Variants in FDFT1 observed in about 807,000 individuals in gnomAD.
FDFT1 encodes the protein farnesyl-diphosphate farnesyltransferase 1.
FDFT1 carries 68 observed loss-of-function variants against 46.8 expected under a neutral mutation model. The ratio of observed to expected loss-of-function variants is 1.45; its 90% CI spans 1.19 to 1.78. FDFT1 has a LOEUF of 1.78. Ranked by LOEUF, FDFT1 falls within the 40% of genes most tolerant of loss-of-function variation. The pLI, the probability that FDFT1 is intolerant of heterozygous loss-of-function variation, is 0.00. For missense variants in FDFT1, 928 were observed against 524.4 expected, an observed-to-expected ratio of 1.77 and a Z score of -7.52; for synonymous variants, 351 against 185.1, an observed-to-expected ratio of 1.90 and a Z score of -7.28.
At chr8:11,800,463 C>G (rs1806006487), upstream of FDFT1, among the ~76,000 whole-genome samples, 1 of 151,990 alleles carries the variant, frequency 6.6e-6, no homozygotes, top group African/African-American at 2.4e-5. Flanking sequence ...GGAACGGTGC[C>G]TCACGTTCTG....
At chr8:11,831,214 C>G (rs192202709) in intron 6 of FDFT1, among the ~76,000 whole-genome samples, 1 of 152,288 alleles carries the variant, frequency 6.6e-6, no homozygotes, top group East Asian at 1.9e-4. Context: ...TAATCCATTG[C>G]TCTAGCATGG....
rs889585781 is a variant in FDFT1 at position 11,808,477 on chromosome 8, T to G, written c.100-317T>G. On this transcript the variant is annotated intron_variant, in intron 1 of 7. Transcript: ENST00000220584. ...TCGTCGGGCGCTTCCCAGATCTGCT[T>G]GAGTCTATGGAGGAAAAACTCCGCG... 1.1e-5 allele frequency: 15 copies of G among 1,305,120 alleles called. No homozygotes were observed. In the African/African-American group the frequency reaches 2.2e-4, roughly 19 times the overall value. The allele number at this position is 1,305,120 out of a possible 1,614,324, so 80.8% of individuals were successfully genotyped here. A position where few individuals can be genotyped will look rare whatever the true frequency, so the allele number is the denominator to read the frequency against.
intron 5 of FDFT1, 118 bp from the exon 6 acceptor site, chr8:11,830,126 G>A (rs991174463): frequency 9.4e-6 from 8 of 846,748 alleles, no homozygotes; most frequent in African/African-American, 3.4e-5. Flanking sequence ...GATTACAGGC[G>A]TGAGCCACGG....
intron 7 of FDFT1, among the ~76,000 whole-genome samples, chr8:11,832,691 G>T (rs1013530241): frequency 6.6e-6 from 1 of 151,916 alleles, no homozygotes; most frequent in Non-Finnish European, 1.5e-5. Context: ...ACAATGTCTG[G>T]AGACATTTTT....
intron 2 of FDFT1, chr8:11,809,270 T>A (rs1807367827): frequency 1.8e-6 from 2 of 1,112,280 alleles, no homozygotes; most frequent in Non-Finnish European, 2.2e-6. Context: ...ATTACACCCA[T>A]GAACTTAGAC....
intron 3 of FDFT1, among the ~76,000 whole-genome samples, chr8:11,821,205 A>AAT (rs1809190252): frequency 6.6e-6 from 1 of 152,242 alleles, no homozygotes; most frequent in Non-Finnish European, 1.5e-5. Flanking sequence ...GGAAAGATGA[A>AAT]ATGTGTAGTG....
intron 2 of FDFT1, 46 bp from the exon 3 acceptor site, chr8:11,809,621 T>C (rs759156718): frequency 4.6e-6 from 7 of 1,519,010 alleles, no homozygotes; most frequent in Non-Finnish European, 6.2e-6. Flanking sequence ...ATAAAAAATC[T>C]TTGGCTGTTT....
Position 11,838,849 on chromosome 8 carries a change from A to G in FDFT1, c.*240A>G, listed in dbSNP as rs1811940858. 1 of 518,898 alleles carries G rather than the reference A, an allele frequency of 1.9e-6. No individual in the cohort carries two copies. Among genetic ancestry groups the G allele is most frequent in the East Asian group, 3.5e-5 (1 of 28,454 alleles). The allele number at this position is 518,898 out of a possible 1,614,324, so 32.1% of individuals were successfully genotyped here. On this transcript the variant is annotated 3_prime_UTR_variant, in exon 8 of 8. Coordinates refer to ENST00000220584, the MANE Select transcript of FDFT1 (RefSeq NM_004462.5). ...ATGATCACTGTGCTGCTTGTGGCTC[A>G]TGGCAGAGCATTCAGTGCCACGGTT...
upstream of FDFT1, chr8:11,801,997 A>C (rs1048462940): frequency 4.4e-6 from 2 of 455,926 alleles, no homozygotes; most frequent in Non-Finnish European, 8.8e-6. Flanking sequence ...ACGGGTAGCC[A>C]GTAGTTTCTA....
intron 1 of FDFT1, 62 bp from the exon 2 acceptor site, chr8:11,808,728 TCCCA>T: frequency 6.4e-7 from 1 of 1,570,914 alleles, no homozygotes. Context: ...CCACTCCCAC[TCCCA>T]CTCCCACTCC....
chr8:11,821,798 G>T lies in FDFT1; in HGVS notation c.430G>T (p.Ala144Ser), dbSNP rs777606318. 1.9e-6 allele frequency: 3 copies of T among 1,613,690 alleles called. No individual in the cohort carries two copies. The highest frequency in any genetic ancestry group is 2.5e-6 in the Non-Finnish European group (3 of 1,179,682). The change falls in exon 4 of 8, where the codon GCC becomes TCC. Residue 144 changes from alanine to serine, a missense_variant. Ala to Ser is a moderately conservative substitution (Grantham distance 99). Transcript: ENST00000220584. ...GGCTGAGAAATACCAAACAGTGATTGCCGACATTTGCCGGAGAATGGGCAT... is the reference window on the plus strand; with the variant it reads ...GGCTGAGAAATACCAAACAGTGATTTCCGACATTTGCCGGAGAATGGGCAT... ...NLAEKYQTVI[A>S]DICRRMGIGM...
At chr8:11,825,665 C>T (rs986901974) in intron 4 of FDFT1, among the ~76,000 whole-genome samples, 42 of 133,248 alleles carry the variant, frequency 3.2e-4, no homozygotes, top group African/African-American at 9.7e-4. Flanking sequence ...CTAACGTGGG[C>T]AAATATATGA....
chr8:11,824,085 A>G (rs1010088706), intron 4 of FDFT1, among the ~76,000 whole-genome samples: 112 of 149,694 alleles, frequency 7.5e-4, no homozygotes, highest in African/African-American at 2.7e-3. Flanking sequence ...CTGGTCTAAA[A>G]CTCTTGGGCT....
chr8:11,828,416 T>C (rs533175254), intron 5 of FDFT1, among the ~76,000 whole-genome samples: 16 of 152,212 alleles, frequency 1.1e-4, no homozygotes. Context: ...TACCCCTCTT[T>C]TGCAGACACA....
At chr8:11,803,586 A>G (rs1461782132) in intron 1 of FDFT1, 2 of 749,206 alleles carry the variant, frequency 2.7e-6, no homozygotes, top group South Asian at 2.1e-5. Context: ...ATGAATGCAT[A>G]GGAGGTGTTT....
intron 3 of FDFT1, among the ~76,000 whole-genome samples, chr8:11,815,672 T>C (rs1278054100): frequency 1.3e-5 from 2 of 152,218 alleles, no homozygotes; most frequent in Non-Finnish European, 2.9e-5. Flanking sequence ...ATGTCTTCCT[T>C]TGAGAAGTGT....
intron 1 of FDFT1, among the ~76,000 whole-genome samples, chr8:11,805,387 G>T (rs1021614199): frequency 2.0e-5 from 3 of 152,210 alleles, no homozygotes; most frequent in African/African-American, 7.2e-5. Flanking sequence ...CCTGCAAGTT[G>T]TGTGGCATCA....
At chr8:11,802,692 G>A (rs1737447477), upstream of FDFT1, 1 of 668,786 alleles carries the variant, frequency 1.5e-6, no homozygotes. Context: ...GCGGAGCGGC[G>A]GGCGGGGCGT....
Position 11,829,071 on chromosome 8 carries a change from G to C in FDFT1, c.703-1173G>C, listed in dbSNP as rs191470587. ...AGCAGCTCGAACCTTGTGAGGAGCTGCCAGACGCTTTTCCAAGGTCGCTCC... is the reference window on the plus strand; with the variant it reads ...AGCAGCTCGAACCTTGTGAGGAGCTCCCAGACGCTTTTCCAAGGTCGCTCC... On this transcript the variant is annotated intron_variant, in intron 5 of 7. Transcript: ENST00000220584. Among the ~76,000 whole-genome samples, 272 of 152,314 alleles carry C rather than the reference G, an allele frequency of 1.8e-3. 1 individual carries two copies. Among genetic ancestry groups the C allele is most frequent in the African/African-American group, 6.2e-3 (256 of 41,568 alleles).
Sources: gnomAD v4.1 joint callset for allele counts (sites outside exome capture counted in the v4.1 genomes callset) on GRCh38, gnomAD v4.1.1 for gene constraint, MANE v1.5 for transcripts, NCBI Gene and HGNC (gene_info 2026-07-23, HGNC 2026-07-21) for gene names.